Variants in IMPG2 observed in about 807,000 individuals in gnomAD.
The protein encoded by IMPG2 is interphotoreceptor matrix proteoglycan 2.
A neutral mutation model predicts 129.2 loss-of-function variants in IMPG2; 91 were observed. The ratio of observed to expected loss-of-function variants is 0.70; its 90% CI spans 0.59 to 0.84. The LOEUF (loss-of-function observed/expected upper bound fraction) is 0.84, where lower values mean the gene tolerates loss of function less well. IMPG2 is among the 40% of genes least tolerant of loss of function. IMPG2 has a pLI of 0.00. For missense variants in IMPG2, 1,430 were observed against 1,461.7 expected (o/e 0.98, Z 0.35); for synonymous variants, 510 against 517.7 (o/e 0.99, Z 0.20).
At chr3:101,300,303 C>T (rs1707126499) in intron 3 of IMPG2, among the ~76,000 whole-genome samples, 1 of 152,240 alleles carries the variant, frequency 6.6e-6, no homozygotes, top group African/African-American at 2.4e-5. Flanking sequence ...TGCCACCCTT[C>T]CCCCACCCTG....
intron 2 of IMPG2, among the ~76,000 whole-genome samples, chr3:101,317,088 G>A (rs1195634742): frequency 7.1e-6 from 1 of 140,450 alleles, no homozygotes; most frequent in Non-Finnish European, 1.6e-5. Context: ...GAGAGGTAGT[G>A]AGGGAGGTGG....
At chr3:101,258,980 C>T (rs1706641887) in intron 9 of IMPG2, among the ~76,000 whole-genome samples, 1 of 152,104 alleles carries the variant, frequency 6.6e-6, no homozygotes, top group Non-Finnish European at 1.5e-5. Context: ...GAAACAAGCC[C>T]TTAGAGCAGT....
intron 14 of IMPG2, among the ~76,000 whole-genome samples, chr3:101,237,064 G>C (rs1185117591): frequency 1.4e-4 from 21 of 152,162 alleles, no homozygotes; most frequent in Admixed American, 1.4e-3. Context: ...GGCTTGAGTA[G>C]GTAGTTTTCC....
chr3:101,260,883 C>A (rs1199505500), intron 9 of IMPG2, among the ~76,000 whole-genome samples: 1 of 152,156 alleles, frequency 6.6e-6, no homozygotes, highest in East Asian at 1.9e-4. Context: ...CAGTTCAATA[C>A]ATACTTGTGA....
intron 4 of IMPG2, among the ~76,000 whole-genome samples, chr3:101,285,918 A>T (rs1559653695): frequency 1.3e-5 from 2 of 152,254 alleles, no homozygotes; most frequent in East Asian, 3.9e-4. Flanking sequence ...TTCATTCTTC[A>T]TGTTTGTCTT....
Position 101,229,462 on chromosome 3 carries a change from C to T in IMPG2, c.3551G>A (p.Ser1184Asn). The change falls in exon 17 of 19, where the codon AGC (serine) becomes AAC (asparagine). Residue 1184 changes from serine to asparagine, a missense_variant. By Grantham distance (46) the Ser-to-Asn change is conservative. Transcript: ENST00000193391. ...ACCAATCACGTCTCCGCTAGCAGAG[C>T]TGTAGAAGGGATGCTGAGGATAGGG... ...EGPYPQHPFYSSASGDVIGGL... is the reference protein window; with the variant it reads ...EGPYPQHPFYNSASGDVIGGL... The T allele has an allele frequency of 1.9e-6, 3 of 1,613,348 alleles. No individual in the cohort carries two copies. In the Admixed American group the frequency reaches 5.0e-5, roughly 27 times the overall value.
At position 101,225,082 on chromosome 3, in the gene IMPG2, C is replaced by A. The variant is rs1706206479; in HGVS notation, c.*1887G>T. 6.6e-6 allele frequency: 1 copy of A among 152,218 alleles called. No homozygotes were observed. Among genetic ancestry groups the A allele is most frequent in the Non-Finnish European group, 1.5e-5 (1 of 68,040 alleles). The allele number at this position is 152,218 out of a possible 1,614,324, so 9.4% of individuals were successfully genotyped here. A position where few individuals can be genotyped will look rare whatever the true frequency, so the allele number is the denominator to read the frequency against. ...TGTGATAAAATACACTTTCATCTAA[C>A]ACGTAGTATAGGAAAACAGTTTACA... On this transcript the variant is annotated 3_prime_UTR_variant, in exon 19 of 19. Coordinates refer to ENST00000193391, the MANE Select transcript of IMPG2 (RefSeq NM_016247.4).
At chr3:101,269,209 C>CCTTCAGT (rs2308179) in intron 8 of IMPG2, among the ~76,000 whole-genome samples, 1 of 151,814 alleles carries the variant, frequency 6.6e-6, no homozygotes, top group Non-Finnish European at 1.5e-5. Flanking sequence ...ATCTCGTCTG[C>CCTTCAGT]CTCCTATCAG....
chr3:101,233,764 G>C (rs1486751911), intron 14 of IMPG2, among the ~76,000 whole-genome samples: 1 of 152,090 alleles, frequency 6.6e-6, no homozygotes, highest in South Asian at 2.1e-4. Flanking sequence ...TCTGTGAATG[G>C]TAAGTGGGCA....
intron 3 of IMPG2, among the ~76,000 whole-genome samples, chr3:101,292,826 A>G (rs1216689381): frequency 6.6e-6 from 1 of 152,194 alleles, no homozygotes; most frequent in Non-Finnish European, 1.5e-5. Flanking sequence ...TTGTCATTTC[A>G]ATACTGTTCA....
chr3:101,318,122 TGTGA>T (rs1395800144), intron 2 of IMPG2, among the ~76,000 whole-genome samples: 1 of 149,170 alleles, frequency 6.7e-6, no homozygotes, highest in Non-Finnish European at 1.5e-5. Context: ...GGCGACAGAA[TGTGA>T]GTATGTCCCA....
rs886300111 is a variant in IMPG2 at position 101,244,575 on chromosome 3, G to A, written c.1756C>T (p.Leu586=). 1.9e-6 allele frequency: 3 copies of A among 1,593,890 alleles called. No individual in the cohort carries two copies. In the African/African-American group the frequency reaches 4.1e-5, roughly 22 times the overall value. ...TCTTTTTCCATGGATGCATCTGGCA[G>A]GAAAGGGCTCACTTTTAATTGGTCT... ...VKDQLKVSPF[L]PDASMEKELI... The change falls in exon 13 of 19, where the codon CTG becomes TTG. Residue 586 remains leucine (L), a synonymous_variant. Coordinates refer to ENST00000193391, the MANE Select transcript of IMPG2 (RefSeq NM_016247.4).
intron 9 of IMPG2, among the ~76,000 whole-genome samples, chr3:101,262,815 T>C (rs1706684400): frequency 6.8e-6 from 1 of 146,304 alleles, no homozygotes; most frequent in African/African-American, 2.5e-5. Flanking sequence ...GAAACTTACA[T>C]GACCTATAAA....
chr3:101,289,861 G>A (rs1291097807), intron 4 of IMPG2, among the ~76,000 whole-genome samples: 1 of 151,218 alleles, frequency 6.6e-6, no homozygotes, highest in Non-Finnish European at 1.5e-5. Context: ...TGGGGTCAGA[G>A]AGAAATGGAT....
At chr3:101,244,888 A>G (rs1706459290) in intron 12 of IMPG2, 101 bp from the exon 13 acceptor site, 1 of 990,614 alleles carries the variant, frequency 1.0e-6, no homozygotes, top group Non-Finnish European at 1.5e-6. Flanking sequence ...TGTGAAGTTA[A>G]GAGGGACAAT....
intron 2 of IMPG2, among the ~76,000 whole-genome samples, chr3:101,311,897 T>C (rs140941915): frequency 2.0e-5 from 3 of 152,248 alleles, no homozygotes; most frequent in Admixed American, 6.5e-5. Context: ...TCATGTGTCA[T>C]GGTCAAGTGA....
Position 101,244,790 on chromosome 3 carries a change from A to G in IMPG2, c.1544-3T>C, listed in dbSNP as rs748790915. ...TGACTCTTCAACATTGGCTAATCCT[A>G]AAAATAAAGTTTTCCATTAATTAAT... On this transcript the variant is annotated splice_polypyrimidine_tract_variant and splice_region_variant and intron_variant, in intron 12 of 18. Transcript: ENST00000193391. 12 of 1,612,542 alleles carry G rather than the reference A, an allele frequency of 7.4e-6. No individual in the cohort carries two copies. In the South Asian group the frequency reaches 1.2e-4, roughly 16 times the overall value.
At chr3:101,247,711 G>T (rs1046220197) in intron 11 of IMPG2, among the ~76,000 whole-genome samples, 4 of 152,204 alleles carry the variant, frequency 2.6e-5, no homozygotes, top group Non-Finnish European at 5.9e-5. Context: ...GGGGAACCTA[G>T]ACATGGGTAC....
chr3:101,248,668 A>G (rs975256693), intron 11 of IMPG2, among the ~76,000 whole-genome samples: 1 of 152,174 alleles, frequency 6.6e-6, no homozygotes, highest in East Asian at 1.9e-4. Context: ...ACAGAAAGTC[A>G]TTGGCTCTAT....
Sources: gnomAD v4.1 joint callset for allele counts (sites outside exome capture counted in the v4.1 genomes callset) on GRCh38, gnomAD v4.1.1 for gene constraint, MANE v1.5 for transcripts, NCBI Gene and HGNC (gene_info 2026-07-23, HGNC 2026-07-21) for gene names.